Variants in STARD13 observed in about 807,000 individuals in gnomAD.
The protein encoded by STARD13 is stAR-related lipid transfer protein 13.
In STARD13, 62 loss-of-function variants were observed where a neutral mutation model predicts 106.4. The observed-to-expected ratio is 0.58, with a 90% CI of 0.48 to 0.72. STARD13 has a LOEUF of 0.72. Ranked by LOEUF, STARD13 falls within the 30% of genes least tolerant of loss-of-function variation. STARD13 has a pLI of 0.00. For synonymous variants in STARD13, 565 were observed against 553.0 expected (o/e 1.02, Z -0.31); for missense variants, 1,387 against 1,424.0 (o/e 0.97, Z 0.42).
intron 1 of STARD13, among the ~76,000 whole-genome samples, chr13:33,189,382 AC>A (rs1886038497): frequency 7.4e-6 from 1 of 135,062 alleles, no homozygotes; most frequent in South Asian, 2.6e-4. Flanking sequence ...GAAGGGAACG[AC>A]AAACCAGAGA....
intron 7 of STARD13, among the ~76,000 whole-genome samples, chr13:33,124,326 G>A (rs1475521043): frequency 1.3e-5 from 2 of 152,220 alleles, no homozygotes; most frequent in Non-Finnish European, 2.9e-5. Context: ...GTGACTGACT[G>A]TGGTGAAAGT....
At chr13:33,658,626 C>A in the STARD13 span, among the ~76,000 whole-genome samples, 2 of 152,190 alleles carry the variant, frequency 1.3e-5, no homozygotes, top group African/African-American at 4.8e-5. Flanking sequence ...GCTGAAGATA[C>A]CAGAGACTGT....
intron 2 of STARD13, among the ~76,000 whole-genome samples, chr13:33,166,993 C>CAAAA (rs376027158): frequency 9.7e-6 from 1 of 103,470 alleles, no homozygotes; most frequent in Non-Finnish European, 1.9e-5. Flanking sequence ...GACTCTATCT[C>CAAAA]AAAAAAAAAC....
intron 7 of STARD13, among the ~76,000 whole-genome samples, chr13:33,120,941 A>T (rs1331957155): frequency 9.2e-5 from 14 of 152,164 alleles, no homozygotes; most frequent in Admixed American, 9.2e-4. Flanking sequence ...GGATTTCGCC[A>T]CATTGGCCAG....
chr13:33,635,764 C>A, the STARD13 span, among the ~76,000 whole-genome samples: 2 of 151,694 alleles, frequency 1.3e-5, no homozygotes, highest in African/African-American at 2.4e-5. Flanking sequence ...GGGCAGATCA[C>A]TTGAGGTCAG....
the STARD13 span, among the ~76,000 whole-genome samples, chr13:33,355,945 G>C: frequency 6.6e-5 from 10 of 152,226 alleles, no homozygotes. Context: ...AGTGTTAGCT[G>C]TAAGCTCTGC....
At chr13:33,216,115 G>A (rs1404387728) in intron 1 of STARD13, among the ~76,000 whole-genome samples, 3 of 152,158 alleles carry the variant, frequency 2.0e-5, no homozygotes, top group Non-Finnish European at 4.4e-5. Flanking sequence ...TGCTGCTGGT[G>A]GGAATGTAAA....
rs111937348 is a variant in STARD13 at position 33,308,712 on chromosome 13, C to A, written c.124+41578G>T. On this transcript the variant is annotated intron_variant, in intron 1 of 5. Coordinates refer to the STARD13 transcript ENST00000567873. ...CTAATTTTTGTGTTTTTAGTAGAGACAACGTTTCACCATGTTGGTCAGCCT... is the reference window on the plus strand; with the variant it reads ...CTAATTTTTGTGTTTTTAGTAGAGAAAACGTTTCACCATGTTGGTCAGCCT... Among the ~76,000 whole-genome samples the A allele has an allele frequency of 2.6e-5, 4 of 152,010 alleles. 1 individual carries two copies. The South Asian group carries it at 8.3e-4, about 32-fold the overall frequency.
rs1229665417 is a variant in STARD13, at chr13:33,127,439, A to T, written c.1856T>A (p.Phe619Tyr). The T allele has an allele frequency of 6.2e-7, 1 of 1,604,342 alleles. No homozygotes were observed. The highest frequency in any genetic ancestry group is 8.5e-7 in the Non-Finnish European group (1 of 1,178,646). ...TASQLSLLQR[F>Y]SLLRLTAIME... Reference sequence around the variant, plus strand: ...GATGGCCGTGAGGCGGAGCAGTGAGAAGCGCTGGAGCAGGCTCAGCTGGCT... The same window carrying T: ...GATGGCCGTGAGGCGGAGCAGTGAGTAGCGCTGGAGCAGGCTCAGCTGGCT... The change falls in exon 6 of 14, where the codon TTC becomes TAC. Residue 619 changes from phenylalanine (F) to tyrosine (Y), a missense_variant. By Grantham distance (22) the Phe-to-Tyr change is conservative. Coordinates refer to ENST00000336934, the MANE Select transcript of STARD13 (RefSeq NM_178006.4).
chr13:33,430,011 A>T, the STARD13 span, among the ~76,000 whole-genome samples: 1 of 150,590 alleles, frequency 6.6e-6, no homozygotes, highest in African/African-American at 2.5e-5. Flanking sequence ...TCCGCCTCCC[A>T]GGTTCGCGCC....
At chr13:33,557,901 A>T in the STARD13 span, among the ~76,000 whole-genome samples, 4 of 152,228 alleles carry the variant, frequency 2.6e-5, no homozygotes. Context: ...CCTGGTCCCT[A>T]ACTTGAAATT....
chr13:33,557,230 T>A, the STARD13 span, among the ~76,000 whole-genome samples: 1 of 152,156 alleles, frequency 6.6e-6, no homozygotes, highest in Non-Finnish European at 1.5e-5. Flanking sequence ...TTCTCTTCTT[T>A]AAAGTTAGGA....
intron 13 of STARD13, among the ~76,000 whole-genome samples, chr13:33,106,382 C>T (rs1396514013): frequency 6.6e-6 from 1 of 152,200 alleles, no homozygotes; most frequent in East Asian, 1.9e-4. Context: ...GATGGTGCCA[C>T]TGCACTCCAG....
chr13:33,180,801 T>C (rs1885155250), intron 1 of STARD13, among the ~76,000 whole-genome samples: 1 of 152,222 alleles, frequency 6.6e-6, no homozygotes, highest in Admixed American at 6.5e-5. Context: ...ATGCATATAA[T>C]GGTTACAATT....
the STARD13 span, among the ~76,000 whole-genome samples, chr13:33,561,239 T>TA: frequency 6.0e-5 from 9 of 150,188 alleles, 1 homozygote; most frequent in East Asian, 1.9e-4. Flanking sequence ...TGATTTTGGT[T>TA]AAAAAAAAAG....
chr13:33,306,187 T>C (rs545772099), intron 1 of STARD13, among the ~76,000 whole-genome samples: 12 of 152,260 alleles, frequency 7.9e-5, no homozygotes, highest in African/African-American at 2.6e-4. Flanking sequence ...TCTACAACCA[T>C]ATGATCTTCA....
chr13:33,470,775 G>GT, the STARD13 span, among the ~76,000 whole-genome samples: 4 of 152,004 alleles, frequency 2.6e-5, no homozygotes, highest in East Asian at 5.8e-4. Flanking sequence ...GGGGTTGTTT[G>GT]TTTTTTTCTT....
chr13:33,417,396 A>G, the STARD13 span, among the ~76,000 whole-genome samples: 1 of 152,202 alleles, frequency 6.6e-6, no homozygotes, highest in South Asian at 2.1e-4. Flanking sequence ...AAAACTAACG[A>G]AAGAAATGTC....
chr13:33,246,720 A>AAGAG (rs760440094), intron 1 of STARD13, among the ~76,000 whole-genome samples: 7 of 151,102 alleles, frequency 4.6e-5, no homozygotes, highest in African/African-American at 1.7e-4. Context: ...AACAAAAACT[A>AAGAG]AGAGAGAGAG....
Sources: gnomAD v4.1 joint callset for allele counts (sites outside exome capture counted in the v4.1 genomes callset) on GRCh38, gnomAD v4.1.1 for gene constraint, MANE v1.5 for transcripts, NCBI Gene and HGNC (gene_info 2026-07-23, HGNC 2026-07-21) for gene names.